The following SLC5A4 variants were observed in gnomAD, a reference collection of about 807,000 sequenced individuals.
SLC5A4 encodes the protein solute carrier family 5 member 4, also known as probable glucose sensor protein SLC5A4.
In SLC5A4, 55 loss-of-function variants were observed where a neutral mutation model predicts 70.3. The observed-to-expected ratio is 0.78, with a 90% CI of 0.63 to 0.98. The LOEUF (loss-of-function observed/expected upper bound fraction) is 0.98. SLC5A4 is among the 50% of genes least tolerant of loss of function. The probability of loss-of-function intolerance (pLI) is 0.00; values close to 1 mark genes in which losing one functional copy is unlikely to be tolerated. For missense variants in SLC5A4, 735 were observed against 839.2 expected (o/e 0.88, Z 1.53); for synonymous variants, 268 against 305.7 (o/e 0.88, Z 1.29).
the SLC5A4 span, chr22:32,269,603 C>T: frequency 3.2e-6 from 2 of 619,580 alleles, no homozygotes; most frequent in South Asian, 2.8e-5. The surrounding 1 kb of genome is among the most constrained non-coding windows in gnomAD (Gnocchi z 4.1). Flanking sequence ...CCTTTGACTG[C>T]ACCCAGGCTC....
Position 32,232,913 on chromosome 22 carries a change from C to T in SLC5A4, c.1007G>A (p.Arg336His), listed in dbSNP as rs62239049. The change falls in exon 9 of 15, where the codon CGC becomes CAC. Residue 336 changes from arginine to histidine, a missense_variant. Transcript: ENST00000266086. ...FLMVMPGMIS[R>H]ILYTDMVACV... ...TCAGGGCTTACCTGTGTACAGGATG[C>T]GGCTGATCATCCCCGGCATCACCAT... 20,458 of 1,613,626 alleles carry T rather than the reference C, an allele frequency of 0.013. 191 individuals carry two copies. The highest frequency in any genetic ancestry group is 0.027 in the South Asian group (2,417 of 90,990).
At chr22:32,309,515 G>C in the SLC5A4 span, among the ~76,000 whole-genome samples, 1 of 152,096 alleles carries the variant, frequency 6.6e-6, no homozygotes. Context: ...TCACTACCCT[G>C]CATCTTGTTT....
At chr22:32,273,190 T>G in the SLC5A4 span, 1 of 372,892 alleles carries the variant, frequency 2.7e-6, no homozygotes, top group Non-Finnish European at 5.3e-6. Flanking sequence ...AATATATACT[T>G]TCTGGAAGAC....
chr22:32,301,858 C>T, the SLC5A4 span, among the ~76,000 whole-genome samples: 1 of 144,490 alleles, frequency 6.9e-6, no homozygotes, highest in Admixed American at 7.0e-5. Context: ...AAAAAAAACC[C>T]TCACATTTAT....
chr22:32,248,571 A>C (rs1049783906), intron 4 of SLC5A4, among the ~76,000 whole-genome samples, 172 bp downstream of exon 4: 2 of 152,142 alleles, frequency 1.3e-5, no homozygotes, highest in Non-Finnish European at 2.9e-5. Flanking sequence ...TAAACCCCTA[A>C]TTTTAGTCCA....
chr22:32,225,536 A>G (rs1925341274), intron 12 of SLC5A4, 119 bp downstream of exon 12: 5 of 669,968 alleles, frequency 7.5e-6, no homozygotes, highest in Non-Finnish European at 1.3e-5. Context: ...CTCAACTAAA[A>G]TTAAGATGGG....
the SLC5A4 span, among the ~76,000 whole-genome samples, chr22:32,329,741 G>C: frequency 1.4e-5 from 1 of 69,254 alleles, no homozygotes; most frequent in Non-Finnish European, 2.8e-5. Flanking sequence ...GTGTGTGTTG[G>C]GGGCTCTGGT....
At chr22:32,347,678 G>A in the SLC5A4 span, among the ~76,000 whole-genome samples, 1 of 134,716 alleles carries the variant, frequency 7.4e-6, no homozygotes, top group Admixed American at 7.8e-5. Flanking sequence ...ACACAGGAAG[G>A]GGAACATCAC....
upstream of SLC5A4, among the ~76,000 whole-genome samples, chr22:32,259,638 C>T (rs115717545): frequency 2.7e-3 from 408 of 152,242 alleles, 3 homozygotes; most frequent in African/African-American, 9.4e-3. Context: ...TGATAAAGGA[C>T]ACTGCTGTGT....
chr22:32,224,068 C>T (rs1032459723), intron 13 of SLC5A4, among the ~76,000 whole-genome samples, 199 bp downstream of exon 13: 2 of 152,166 alleles, frequency 1.3e-5, no homozygotes, highest in African/African-American at 2.4e-5. Context: ...TTACAGGTGC[C>T]CACCACCACA....
chr22:32,315,437 T>A, the SLC5A4 span, among the ~76,000 whole-genome samples: 2 of 151,886 alleles, frequency 1.3e-5, no homozygotes, highest in African/African-American at 4.8e-5. Flanking sequence ...AAACAAAAAA[T>A]AATCAACTAA....
chr22:32,257,684 A>T (rs1247039504), upstream of SLC5A4, among the ~76,000 whole-genome samples: 1 of 106,800 alleles, frequency 9.4e-6, no homozygotes, highest in Non-Finnish European at 1.8e-5. Context: ...TTTTTTTTTG[A>T]GACAGAGTTT....
chr22:32,239,542 ATATATATATATATATATATATAT>A (rs1569374743), intron 5 of SLC5A4, among the ~76,000 whole-genome samples: 636 of 12,844 alleles, frequency 0.05, 39 homozygotes, highest in Non-Finnish European at 0.064. Flanking sequence ...ATATATATAT[ATATATATATATATATATATATAT>A]ATATTTATAT....
chr22:32,254,960 G>A (rs901784265), intron 1 of SLC5A4, among the ~76,000 whole-genome samples: 1 of 152,186 alleles, frequency 6.6e-6, no homozygotes, highest in African/African-American at 2.4e-5. Flanking sequence ...TATGCCAGGT[G>A]TTGGGGATGC....
rs1254969624 is a variant in SLC5A4, at chr22:32,224,027, T to A, written c.1665+240A>T. Among the ~76,000 whole-genome samples the A allele has an allele frequency of 2.0e-5, 3 of 152,024 alleles. No homozygotes were observed. The East Asian group carries it at 5.8e-4, about 29-fold the overall frequency. On this transcript the variant is annotated intron_variant, in intron 13 of 14. Transcript: ENST00000266086. Reference sequence around the variant, plus strand: ...GCTCCGCCTCCCAGGTTCACGCCATTCTCCTGCCTCAGCCTCCCGAGCAGC... The same window carrying A: ...GCTCCGCCTCCCAGGTTCACGCCATACTCCTGCCTCAGCCTCCCGAGCAGC...
intron 5 of SLC5A4, among the ~76,000 whole-genome samples, chr22:32,240,453 G>A (rs1483705991): frequency 6.6e-6 from 1 of 152,064 alleles, no homozygotes; most frequent in South Asian, 2.1e-4. Context: ...ATATATATGT[G>A]TGTGTGTGTA....
upstream of SLC5A4, among the ~76,000 whole-genome samples, chr22:32,259,107 A>G (rs189919408): frequency 5.3e-5 from 8 of 152,358 alleles, no homozygotes; most frequent in African/African-American, 1.9e-4. Flanking sequence ...ACAGGCAGAA[A>G]GTTCCAGTTA....
chr22:32,330,109 T>C, the SLC5A4 span, among the ~76,000 whole-genome samples: 2 of 128,460 alleles, frequency 1.6e-5, 1 homozygote, highest in African/African-American at 5.8e-5. Flanking sequence ...GGCTGTGGTA[T>C]GTGTGTTGGA....
chr22:32,282,302 C>T, the SLC5A4 span, among the ~76,000 whole-genome samples: 18,367 of 152,090 alleles, frequency 0.12, 1,513 homozygotes, highest in Non-Finnish European at 0.19. Context: ...AACCCAGGGT[C>T]GGCTGGCAGA....
Sources: gnomAD v4.1 joint callset for allele counts (sites outside exome capture counted in the v4.1 genomes callset) on GRCh38, gnomAD v4.1.1 for gene constraint, Gnocchi (gnomAD v3.1) non-coding constraint, MANE v1.5 for transcripts, NCBI Gene and HGNC (gene_info 2026-07-23, HGNC 2026-07-21) for gene names.